Variants in MMS22L observed in about 807,000 individuals in gnomAD.
MMS22L encodes protein MMS22-like.
MMS22L carries 74 observed loss-of-function variants against 159.1 expected under a neutral mutation model. The observed-to-expected ratio is 0.47, with a 90% CI of 0.39 to 0.56. The LOEUF is 0.56. MMS22L is among the 20% of genes least tolerant of loss of function. MMS22L has a pLI of 0.00. For synonymous variants in MMS22L, 517 were observed against 506.9 expected, an observed-to-expected ratio of 1.02 and a Z score of -0.27; for missense variants, 1,351 against 1,422.1, an observed-to-expected ratio of 0.95 and a Z score of 0.80.
chr6:97,206,337 G>C (rs62413924), intron 14 of MMS22L, among the ~76,000 whole-genome samples: 5 of 146,256 alleles, frequency 3.4e-5, no homozygotes, highest in Non-Finnish European at 4.5e-5. Context: ...AAAAAAAAAG[G>C]CTGCTGGAGA....
At chr6:97,278,081 C>A (rs1201395707) in intron 4 of MMS22L, among the ~76,000 whole-genome samples, 1 of 152,168 alleles carries the variant, frequency 6.6e-6, no homozygotes, top group Non-Finnish European at 1.5e-5. Context: ...AGCCAGACTG[C>A]ACTAAAACAC....
intron 18 of MMS22L, among the ~76,000 whole-genome samples, chr6:97,177,353 C>T (rs764001146): frequency 6.6e-6 from 1 of 152,084 alleles, no homozygotes; most frequent in Non-Finnish European, 1.5e-5. Context: ...CTATTTTAGT[C>T]TTTGTGTATG....
chr6:97,168,321 T>G (rs1803188326), intron 19 of MMS22L, 81 bp from the exon 20 acceptor site: 1 of 1,297,992 alleles, frequency 7.7e-7, no homozygotes, highest in South Asian at 1.4e-5. Context: ...AAATTTGTAT[T>G]GAAAGCACAT....
chr6:97,183,038 C>T lies in MMS22L; in HGVS notation c.2234-984G>A, dbSNP rs569162414. The stretch of plus-strand genomic sequence containing the variant: ...TTTAATGAATCTATCTTCCATTCTA[C>T]GTCAGCCATTCACTCCCATGCTGAT... On this transcript the variant is annotated intron_variant, in intron 15 of 24. Coordinates refer to ENST00000683635, the MANE Select transcript of MMS22L (RefSeq NM_001350599.2). Among the ~76,000 whole-genome samples, 52 of 152,260 alleles carry T rather than the reference C, an allele frequency of 3.4e-4. No homozygotes were observed. The South Asian group carries it at 7.7e-3, about 22-fold the overall frequency.
chr6:97,160,070 T>C (rs1802281568), intron 22 of MMS22L, among the ~76,000 whole-genome samples: 1 of 150,602 alleles, frequency 6.6e-6, no homozygotes, highest in Admixed American at 6.7e-5. Context: ...TAAAATACTA[T>C]ATTTCTATAA....
intron 21 of MMS22L, among the ~76,000 whole-genome samples, chr6:97,162,858 G>A (rs1206121): frequency 0.45 from 67,845 of 151,672 alleles, 15,335 homozygotes; most frequent in South Asian, 0.53. Context: ...CATTTATTAA[G>A]TGAATAAATA....
intron 9 of MMS22L, chr6:97,260,959 T>C (rs1814407789): frequency 2.0e-5 from 3 of 152,146 alleles, no homozygotes. Context: ...CTGGTGCCCT[T>C]CACCACCCAA....
intron 8 of MMS22L, chr6:97,266,519 C>A (rs1290654614): frequency 1.3e-5 from 2 of 152,204 alleles, no homozygotes; most frequent in Non-Finnish European, 2.9e-5. Context: ...AGAAGCACGT[C>A]TTTAGGCTAA....
chr6:97,240,976 C>CT (rs1811996712), intron 11 of MMS22L, among the ~76,000 whole-genome samples: 1 of 152,160 alleles, frequency 6.6e-6, no homozygotes, highest in Non-Finnish European at 1.5e-5. Flanking sequence ...CACCATTCCC[C>CT]TCAGGCCCTC....
In MMS22L at chr6:97,263,382, GA is replaced by G; in HGVS notation, c.894del (p.Leu299TyrfsTer6). The G allele has an allele frequency of 6.3e-7, 1 of 1,593,198 alleles. No homozygotes were observed. The highest frequency in any genetic ancestry group is 1.8e-5 in the Admixed American group (1 of 54,236). The stretch of plus-strand genomic sequence containing the variant: ...CTGTGGTCTAGAAGATGAATAAGTA[GA>G]ACCCATAATTCTTTAATGCATAAAC... Reference protein sequence around the residue: ...CPCLCIKELWVLLIHLLDHRS... With the variant: ...CPCLCIKELWXLLIHLLDHRS... On this transcript the variant is annotated frameshift_variant, in exon 9 of 25. Coordinates refer to ENST00000683635, the MANE Select transcript of MMS22L (RefSeq NM_001350599.2). LOFTEE classifies it high-confidence loss of function.
At chr6:97,191,320 C>T (rs1033890973) in intron 14 of MMS22L, among the ~76,000 whole-genome samples, 6 of 152,234 alleles carry the variant, frequency 3.9e-5, no homozygotes, top group East Asian at 3.9e-4. Context: ...TTATAGTTTT[C>T]GCCTCTAATC....
intron 16 of MMS22L, among the ~76,000 whole-genome samples, chr6:97,180,252 C>A (rs1021239660): frequency 6.6e-6 from 1 of 152,100 alleles, no homozygotes; most frequent in African/African-American, 2.4e-5. Flanking sequence ...CAGGCACCCG[C>A]CACCATGCCC....
At chr6:97,236,952 GAA>G (rs772283057) in intron 11 of MMS22L, among the ~76,000 whole-genome samples, 2 of 109,196 alleles carry the variant, frequency 1.8e-5, no homozygotes, top group Admixed American at 9.6e-5. Context: ...CTCCGCCTCA[GAA>G]AAAAAAAAAA....
intron 6 of MMS22L, chr6:97,270,819 A>C (rs190468468): frequency 6.6e-6 from 1 of 152,198 alleles, no homozygotes; most frequent in African/African-American, 2.4e-5. Context: ...TTCAATAAAA[A>C]ATAAGATTTT....
At chr6:97,241,012 C>T (rs1409960800) in intron 11 of MMS22L, among the ~76,000 whole-genome samples, 1 of 152,154 alleles carries the variant, frequency 6.6e-6, no homozygotes, top group African/African-American at 2.4e-5. Context: ...ATGCTTACAC[C>T]TTTGTGTCCT....
Position 97,263,393 on chromosome 6 carries a change from T to G in MMS22L, c.884A>C (p.Glu295Ala). ...SDQCPCLCIK[E>A]LWVLLIHLLD... ...AAGATGAATAAGTAGAACCCATAAT[T>G]CTTTAATGCATAAACATGGACACTG... The change falls in exon 9 of 25, where the codon GAA becomes GCA. Residue 295 changes from glutamate to alanine, a missense_variant. Transcript: ENST00000683635. 1 of 1,594,096 alleles carries G rather than the reference T, an allele frequency of 6.3e-7. No homozygotes were observed. The highest frequency in any genetic ancestry group is 8.5e-7 in the Non-Finnish European group (1 of 1,173,902).
intron 21 of MMS22L, among the ~76,000 whole-genome samples, chr6:97,162,825 G>A (rs1224434632): frequency 6.6e-6 from 1 of 151,892 alleles, no homozygotes; most frequent in Non-Finnish European, 1.5e-5. Flanking sequence ...ACAGGTCCGG[G>A]CCCATAACAA....
chr6:97,237,881 T>C (rs1258246524), intron 11 of MMS22L, among the ~76,000 whole-genome samples: 1 of 152,214 alleles, frequency 6.6e-6, no homozygotes, highest in Non-Finnish European at 1.5e-5. Context: ...AATTTTATCA[T>C]GTTTATAAGG....
In MMS22L at chr6:97,231,457, C is replaced by T. The variant is rs138260692; in HGVS notation, c.1498G>A (p.Gly500Ser). Residue 500 changes from glycine (G) to serine (S), a missense_variant, in exon 13 of 25, where the codon GGC becomes AGC. Transcript: ENST00000683635. ...TTGACTTGTTTCCAAGGATGAGGGC[C>T]ATTGCTCTTCATTGCTTTTTTAACA... ...KVVKKAMKSN[G>S]PHPWKQVKGR... 6.2e-7 allele frequency: 1 copy of T among 1,613,418 alleles called. No individual in the cohort carries two copies. The highest frequency in any genetic ancestry group is 8.5e-7 in the Non-Finnish European group (1 of 1,179,736).
Sources: gnomAD v4.1 joint callset for allele counts (sites outside exome capture counted in the v4.1 genomes callset) on GRCh38, gnomAD v4.1.1 for gene constraint, MANE v1.5 for transcripts, NCBI Gene and HGNC (gene_info 2026-07-23, HGNC 2026-07-21) for gene names.